The following PODXL variants were observed in gnomAD, a reference collection of about 807,000 sequenced individuals.
The protein encoded by PODXL is podocalyxin.
In PODXL, 20 loss-of-function variants were observed where a neutral mutation model predicts 48.9. That is an observed-to-expected ratio of 0.41 (90% CI 0.29 to 0.59). The LOEUF is 0.59. Among genes scored for constraint, PODXL ranks in the 20% least tolerant of loss-of-function variants. PODXL has a pLI of 0.31. For missense variants in PODXL, 606 were observed against 675.1 expected (o/e 0.90, Z 1.13); for synonymous variants, 295 against 287.4 (o/e 1.03, Z -0.27).
At position 131,511,324 on chromosome 7, in the gene PODXL, C is replaced by T; in HGVS notation, c.210G>A (p.Lys70=). 7 of 1,613,466 alleles carry T rather than the reference C, an allele frequency of 4.3e-6. No individual in the cohort carries two copies. The highest frequency in any genetic ancestry group is 1.1e-5 in the South Asian group (1 of 91,082). ...TGACCGAGGCCAAGATTTCGTTGGC[C>T]TTGGAAGTGGGGACTGTGCTCTGCT... The part of the protein sequence containing the change: ...TAQQSTVPTS[K]ANEILASVKA... The change falls in exon 2 of 9, where the codon AAG becomes AAA. Residue 70 remains lysine, a synonymous_variant. Transcript: ENST00000378555.
chr7:131,523,586 G>T (rs1798123177), intron 1 of PODXL, among the ~76,000 whole-genome samples: 1 of 145,518 alleles, frequency 6.9e-6, no homozygotes, highest in Non-Finnish European at 1.5e-5. Flanking sequence ...GGAGGCTGAG[G>T]CAGGAGAATG....
At chr7:131,521,656 A>G (rs1427723005) in intron 1 of PODXL, among the ~76,000 whole-genome samples, 1 of 152,168 alleles carries the variant, frequency 6.6e-6, no homozygotes, top group Non-Finnish European at 1.5e-5. Context: ...TTTCAAATGA[A>G]TTTCTAAAAG....
rs1000367281 is a variant in PODXL at position 131,504,187 on chromosome 7, T to C, written c.*124A>G. 5 of 723,332 alleles carry C rather than the reference T, an allele frequency of 6.9e-6. No individual in the cohort carries two copies. Among genetic ancestry groups the C allele is most frequent in the Non-Finnish European group, 1.2e-5 (5 of 429,520 alleles). The allele number at this position is 723,332 out of a possible 1,614,324, so 44.8% of individuals were successfully genotyped here. On this transcript the variant is annotated 3_prime_UTR_variant, in exon 9 of 9. Transcript: ENST00000378555. ...GGGAAAAATTAAGGCCCTGGGGGGA[T>C]TGGGAGGGGACACCCCTCGGAGTTC... is the stretch of plus-strand genomic sequence containing the variant.
At position 131,506,685 on chromosome 7, in the gene PODXL, G is replaced by A. The variant is rs2116779610; in HGVS notation, c.1143C>T (p.Cys381=). The A allele has an allele frequency of 6.2e-7, 1 of 1,614,172 alleles. No homozygotes were observed. Among genetic ancestry groups the A allele is most frequent in the Middle Eastern group, 1.7e-4 (1 of 6,060 alleles). Residue 381 remains cysteine (C), a synonymous_variant, in exon 6 of 9, where the codon TGC becomes TGT. Transcript: ENST00000378555. ...ASDEKLISLI[C]RAVKATFNPA... ...GGTTGAAGGTGGCTTTGACTGCTCG[G>A]CATATCAGTGAGATCAATTTCTCAT... is the stretch of plus-strand genomic sequence containing the variant.
At chr7:131,528,644 T>C (rs575294248) in intron 1 of PODXL, among the ~76,000 whole-genome samples, 1 of 152,336 alleles carries the variant, frequency 6.6e-6, no homozygotes, top group African/African-American at 2.4e-5. Context: ...GGTGCCAAAT[T>C]GAGGCATGGC....
intron 1 of PODXL, among the ~76,000 whole-genome samples, chr7:131,537,749 C>A (rs756343529): frequency 6.6e-6 from 1 of 152,160 alleles, no homozygotes; most frequent in Non-Finnish European, 1.5e-5. Flanking sequence ...CCGAGGGTAA[C>A]CGCTATTATT....
intron 1 of PODXL, among the ~76,000 whole-genome samples, chr7:131,524,368 A>ACGCG (rs1554385082): frequency 8.9e-6 from 1 of 112,556 alleles, no homozygotes; most frequent in Non-Finnish European, 1.7e-5. Context: ...ACACGCACAC[A>ACGCG]CACACACACA....
Position 131,501,000 on chromosome 7 carries a change from C to G in PODXL, c.*3311G>C, listed in dbSNP as rs1444263840. ...GGACTAGATCTTGAAATACCTTTCT[C>G]CATGACTACAGGGTTGCCTGCCAAC... On this transcript the variant is annotated 3_prime_UTR_variant, in exon 9 of 9. Coordinates refer to ENST00000378555, the MANE Select transcript of PODXL (RefSeq NM_001018111.3). 1 of 152,134 alleles carries G rather than the reference C, an allele frequency of 6.6e-6. No homozygotes were observed. The highest frequency in any genetic ancestry group is 1.5e-5 in the Non-Finnish European group (1 of 68,034). The allele number at this position is 152,134 out of a possible 1,614,324, so 9.4% of individuals were successfully genotyped here.
In PODXL at chr7:131,509,042, C is replaced by G. The variant is rs1427786508; in HGVS notation, c.1024-14G>C. 1 of 1,606,896 alleles carries G rather than the reference C, an allele frequency of 6.2e-7. No individual in the cohort carries two copies. Among genetic ancestry groups the G allele is most frequent in the Non-Finnish European group, 8.5e-7 (1 of 1,173,550 alleles). Reference sequence around the variant, plus strand: ...CTCACACTTTGCCTGGAAGAAGCCACTGAGATTAAGGTTTGGGCTAATAGT... The same window carrying G: ...CTCACACTTTGCCTGGAAGAAGCCAGTGAGATTAAGGTTTGGGCTAATAGT... On this transcript the variant is annotated splice_polypyrimidine_tract_variant and intron_variant, in intron 4 of 8. Coordinates refer to ENST00000378555, the MANE Select transcript of PODXL (RefSeq NM_001018111.3).
intron 1 of PODXL, among the ~76,000 whole-genome samples, chr7:131,542,235 G>A (rs553590954): frequency 1.9e-4 from 29 of 152,302 alleles, no homozygotes; most frequent in African/African-American, 5.1e-4. Flanking sequence ...TCCATGCCCC[G>A]TTCTCTCTCT....
chr7:131,556,202 G>T, intron 1 of PODXL, 58 bp downstream of exon 1: 1 of 1,390,042 alleles, frequency 7.2e-7, no homozygotes, highest in Non-Finnish European at 9.3e-7. Context: ...CAGCTCGGCC[G>T]GGCAGGGGGC....
intron 1 of PODXL, among the ~76,000 whole-genome samples, chr7:131,523,948 G>A (rs57259821): frequency 0.061 from 9,255 of 150,906 alleles, 320 homozygotes; most frequent in Middle Eastern, 0.11. Flanking sequence ...ACAGGTGCAC[G>A]CCACCACGCC....
At chr7:131,522,052 G>A (rs958507045) in intron 1 of PODXL, among the ~76,000 whole-genome samples, 1 of 152,204 alleles carries the variant, frequency 6.6e-6, no homozygotes, top group South Asian at 2.1e-4. Context: ...AGTGAAGGCC[G>A]CACCCTCAAG....
chr7:131,518,406 C>G (rs761099024), intron 1 of PODXL, among the ~76,000 whole-genome samples: 21 of 152,118 alleles, frequency 1.4e-4, no homozygotes, highest in Non-Finnish European at 2.5e-4. Flanking sequence ...GACCTCTTCT[C>G]CTGAACGGGT....
At chr7:131,528,180 G>A (rs1478721731) in intron 1 of PODXL, among the ~76,000 whole-genome samples, 2 of 152,166 alleles carry the variant, frequency 1.3e-5, no homozygotes, top group African/African-American at 2.4e-5. Flanking sequence ...TCAGGCGTGA[G>A]CCACCGCACC....
At chr7:131,516,045 G>A (rs1172092835) in intron 1 of PODXL, among the ~76,000 whole-genome samples, 1 of 152,228 alleles carries the variant, frequency 6.6e-6, no homozygotes, top group Non-Finnish European at 1.5e-5. Flanking sequence ...ATCAAAAGGA[G>A]GATGATGATA....
rs1339191404 is a variant in PODXL, at chr7:131,556,410, ATCCGCGCG to A, written c.-59_-52del. ...CAGGTGGCTGCGGTGCCGGCGGAGG[ATCCGCGCG>A]TCCGGGCGGTAGGAGCGTGGGCGCC... On this transcript the variant is annotated 5_prime_UTR_variant, in exon 1 of 9. Transcript: ENST00000378555. 1 of 1,332,298 alleles carries A rather than the reference ATCCGCGCG, an allele frequency of 7.5e-7. No individual in the cohort carries two copies. The highest frequency in any genetic ancestry group is 9.6e-7 in the Non-Finnish European group (1 of 1,042,916). The allele number at this position is 1,332,298 out of a possible 1,614,324, so 82.5% of individuals were successfully genotyped here. A position where few individuals can be genotyped will look rare whatever the true frequency, so the allele number is the denominator to read the frequency against.
chr7:131,500,381 T>G lies in PODXL; in HGVS notation c.*3930A>C, dbSNP rs973758119. ...TTTACAAACAAGTTTCTCAGTAAATTCCAGTGTACTTCAGACCCCTGTCCA... is the reference window on the plus strand; with the variant it reads ...TTTACAAACAAGTTTCTCAGTAAATGCCAGTGTACTTCAGACCCCTGTCCA... On this transcript the variant is annotated 3_prime_UTR_variant, in exon 9 of 9. Transcript: ENST00000378555. The G allele has an allele frequency of 2.0e-5, 3 of 152,648 alleles. No individual in the cohort carries two copies. Among genetic ancestry groups the G allele is most frequent in the Non-Finnish European group, 4.4e-5 (3 of 68,040 alleles). The allele number at this position is 152,648 out of a possible 1,614,324, so 9.5% of individuals were successfully genotyped here. A position where few individuals can be genotyped will look rare whatever the true frequency, so the allele number is the denominator to read the frequency against.
chr7:131,533,562 G>A (rs974634437), intron 1 of PODXL, among the ~76,000 whole-genome samples: 5 of 152,172 alleles, frequency 3.3e-5, no homozygotes, highest in African/African-American at 9.6e-5. Context: ...GGCAGCCTTC[G>A]CTTGGGTGCA....
Sources: allele counts gnomAD v4.1 joint callset (sites outside exome capture counted in the v4.1 genomes callset), GRCh38; gene constraint gnomAD v4.1.1; transcripts MANE v1.5; gene names NCBI Gene and HGNC (gene_info 2026-07-23, HGNC 2026-07-21).